Variants in WDPCP observed in about 807,000 individuals in gnomAD.
The protein encoded by WDPCP is WD repeat containing planar cell polarity effector.
Under a neutral mutation model 93.1 loss-of-function variants are expected in WDPCP, and 71 were observed. That is an observed-to-expected ratio of 0.76 (90% CI 0.63 to 0.93). The LOEUF (loss-of-function observed/expected upper bound fraction) is 0.93, where lower values mean the gene tolerates loss of function less well. WDPCP is among the 40% of genes least tolerant of loss of function. The pLI, the probability that WDPCP is intolerant of heterozygous loss-of-function variation, is 0.00. For missense variants in WDPCP, 844 were observed against 887.4 expected (o/e 0.95, Z 0.62); for synonymous variants, 315 against 315.0 (o/e 1.00, Z 0.00).
chr2:63,820,047 CA>C (rs2104122309), intron 1 of WDPCP, among the ~76,000 whole-genome samples: 1 of 152,156 alleles, frequency 6.6e-6, no homozygotes, highest in South Asian at 2.1e-4. Flanking sequence ...ATTTTCTTCC[CA>C]AAAACTTCTT....
chr2:63,328,460 G>A (rs779741333), intron 12 of WDPCP, among the ~76,000 whole-genome samples: 14 of 152,106 alleles, frequency 9.2e-5, no homozygotes, highest in East Asian at 1.9e-4. Flanking sequence ...CAAATCCACC[G>A]GGAGGAACAA....
At chr2:63,185,460 G>A (rs1674555181) in intron 14 of WDPCP, among the ~76,000 whole-genome samples, 1 of 151,788 alleles carries the variant, frequency 6.6e-6, no homozygotes, top group South Asian at 2.1e-4. Context: ...GGGCTGTTTG[G>A]CTTTGCTTCC....
intron 2 of WDPCP, among the ~76,000 whole-genome samples, chr2:63,705,647 A>T (rs976836565): frequency 3.9e-5 from 6 of 152,000 alleles, no homozygotes; most frequent in Non-Finnish European, 7.4e-5. Context: ...GTTTGATTGC[A>T]TGTGGTCTGA....
chr2:63,823,148 T>C (rs1671048632), intron 1 of WDPCP, among the ~76,000 whole-genome samples: 1 of 147,242 alleles, frequency 6.8e-6, no homozygotes, highest in Admixed American at 6.8e-5. Context: ...TTACTGTTTG[T>C]AAATTATACC....
intron 13 of WDPCP, among the ~76,000 whole-genome samples, chr2:63,270,231 T>A (rs2677440): frequency 6.6e-6 from 1 of 152,078 alleles, no homozygotes; most frequent in African/African-American, 2.4e-5. Context: ...TGGAAAGAAT[T>A]GATATTTTAT....
At chr2:63,646,084 T>C (rs1710045984) in intron 3 of WDPCP, among the ~76,000 whole-genome samples, 1 of 152,208 alleles carries the variant, frequency 6.6e-6, no homozygotes, top group South Asian at 2.1e-4. Flanking sequence ...CCTTCTTTCT[T>C]CCCTTCCTGT....
intron 1 of WDPCP, among the ~76,000 whole-genome samples, chr2:63,543,455 G>A (rs540715418): frequency 6.6e-6 from 1 of 152,108 alleles, no homozygotes; most frequent in African/African-American, 2.4e-5. Context: ...GGAAAACACA[G>A]ATGGCTTTTC....
chr2:63,281,885 G>C (rs1683581693), intron 13 of WDPCP, among the ~76,000 whole-genome samples: 1 of 152,020 alleles, frequency 6.6e-6, no homozygotes, highest in Non-Finnish European at 1.5e-5. Flanking sequence ...GACACTACTT[G>C]GGTGATGGGT....
intron 6 of WDPCP, among the ~76,000 whole-genome samples, chr2:63,455,696 A>C (rs991173633): frequency 2.6e-5 from 4 of 152,192 alleles, no homozygotes; most frequent in Non-Finnish European, 1.5e-5. Flanking sequence ...ATATTGCCAG[A>C]TCTAATGAAA....
chr2:63,160,811 G>A (rs927291741), intron 15 of WDPCP, among the ~76,000 whole-genome samples: 1 of 152,122 alleles, frequency 6.6e-6, no homozygotes, highest in African/African-American at 2.4e-5. Context: ...TGATGGGGAA[G>A]TTTATAATGG....
intron 12 of WDPCP, among the ~76,000 whole-genome samples, chr2:63,358,899 A>G (rs1229578540): frequency 2.0e-5 from 3 of 152,228 alleles, no homozygotes; most frequent in African/African-American, 7.2e-5. Context: ...ACTGCCCATT[A>G]GTCCCATAAA....
chr2:63,651,338 C>T (rs1424077124), intron 2 of WDPCP, among the ~76,000 whole-genome samples: 25 of 151,964 alleles, frequency 1.6e-4, no homozygotes, highest in Non-Finnish European at 3.7e-4. Flanking sequence ...AGGTAGTGTA[C>T]AGTTAAGTGC....
intron 14 of WDPCP, among the ~76,000 whole-genome samples, chr2:63,185,120 A>T (rs1012935000): frequency 2.0e-5 from 3 of 152,214 alleles, no homozygotes; most frequent in African/African-American, 4.8e-5. Flanking sequence ...ATTCATATCC[A>T]GAATTAATTT....
At chr2:63,717,752 G>C in intron 2 of WDPCP, 1 of 386,354 alleles carries the variant, frequency 2.6e-6, no homozygotes, top group South Asian at 2.1e-5. Flanking sequence ...ACTGCGGTAT[G>C]ATGGAGACGA....
intron 2 of WDPCP, among the ~76,000 whole-genome samples, chr2:63,765,830 C>A (rs941417973): frequency 6.6e-6 from 1 of 152,188 alleles, no homozygotes; most frequent in Admixed American, 6.5e-5. Flanking sequence ...GACACTGACT[C>A]TTCTATTGTA....
rs1378771933 is a variant in WDPCP at position 63,120,435 on chromosome 2, CTGAT to C, written c.*1567_*1570del. Among the ~76,000 whole-genome samples, 17 of 151,054 alleles carry C rather than the reference CTGAT, an allele frequency of 1.1e-4. No homozygotes were observed. The highest frequency in any genetic ancestry group is 4.1e-4 in the African/African-American group (17 of 41,044). On this transcript the variant is annotated 3_prime_UTR_variant, in exon 18 of 18. Transcript: ENST00000272321. ...AATTTGAAGTATAAAAGCCTTCAGT[CTGAT>C]TAACTTTGAACTCTAAGATTTAATT...
chr2:63,542,502 C>A (rs1018563994), intron 1 of WDPCP, among the ~76,000 whole-genome samples: 1 of 152,100 alleles, frequency 6.6e-6, no homozygotes, highest in Non-Finnish European at 1.5e-5. Flanking sequence ...GTGGCAATTG[C>A]GATAATGGTT....
chr2:63,773,924 A>G (rs1188308450), intron 2 of WDPCP, among the ~76,000 whole-genome samples: 1 of 152,110 alleles, frequency 6.6e-6, no homozygotes. Flanking sequence ...AGCAGCAAAA[A>G]AATAAGATTT....
intron 13 of WDPCP, among the ~76,000 whole-genome samples, chr2:63,261,810 G>A (rs1038851699): frequency 1.3e-5 from 2 of 152,110 alleles, no homozygotes; most frequent in Admixed American, 6.5e-5. Flanking sequence ...TTGTAGAGAA[G>A]GTTTGCTGGC....
Sources: allele counts gnomAD v4.1 joint callset (sites outside exome capture counted in the v4.1 genomes callset), GRCh38; gene constraint gnomAD v4.1.1; transcripts MANE v1.5; gene names NCBI Gene and HGNC (gene_info 2026-07-23, HGNC 2026-07-21).